Variants in MYCT1 observed in about 807,000 individuals in gnomAD.
MYCT1 encodes MYC target 1.
In MYCT1, 12 loss-of-function variants were observed where a neutral mutation model predicts 15.0. The observed-to-expected ratio is 0.80, with a 90% CI of 0.51 to 1.29. MYCT1 has a LOEUF of 1.29. Ranked by LOEUF, MYCT1 falls within the 50% of genes most tolerant of loss-of-function variation. MYCT1 has a pLI of 0.00. For missense variants in MYCT1, 287 were observed against 279.1 expected, an observed-to-expected ratio of 1.03 and a Z score of -0.20; for synonymous variants, 104 against 102.7, an observed-to-expected ratio of 1.01 and a Z score of -0.07.
the MYCT1 span, among the ~76,000 whole-genome samples, chr6:152,739,119 T>C: frequency 2.6e-5 from 4 of 151,958 alleles, no homozygotes; most frequent in Non-Finnish European, 4.4e-5. Flanking sequence ...AATAAAATTA[T>C]ATTGGGAGTT....
intron 1 of MYCT1, among the ~76,000 whole-genome samples, chr6:152,719,474 A>G (rs1466695517): frequency 6.6e-6 from 1 of 152,214 alleles, no homozygotes; most frequent in Non-Finnish European, 1.5e-5. Flanking sequence ...CTCAGTAGCC[A>G]CAACTATTAA....
downstream of MYCT1, among the ~76,000 whole-genome samples, chr6:152,729,316 GT>G (rs1037689693): frequency 3.9e-4 from 57 of 146,384 alleles, no homozygotes; most frequent in Admixed American, 1.2e-3. Context: ...ATTTCCACAG[GT>G]TTTTTTTTTT....
chr6:152,707,811 A>C (rs2129069131), intron 1 of MYCT1, among the ~76,000 whole-genome samples: 1 of 152,206 alleles, frequency 6.6e-6, no homozygotes, highest in African/African-American at 2.4e-5. Context: ...TCACAAATGC[A>C]TGGATTTATT....
the MYCT1 span, among the ~76,000 whole-genome samples, chr6:152,741,491 T>C: frequency 6.6e-6 from 1 of 152,126 alleles, no homozygotes; most frequent in Non-Finnish European, 1.5e-5. Context: ...ATTGGGGATA[T>C]AATGATACAT....
At chr6:152,733,509 C>G in the MYCT1 span, among the ~76,000 whole-genome samples, 1 of 152,214 alleles carries the variant, frequency 6.6e-6, no homozygotes, top group Non-Finnish European at 1.5e-5. Flanking sequence ...CTGTTTTTAA[C>G]AAGTGCCTTG....
rs2099725027 is a variant in MYCT1, at chr6:152,723,192, ACT to A, written c.*942_*943del. 1 of 151,908 alleles carries A rather than the reference ACT, an allele frequency of 6.6e-6. No homozygotes were observed. The allele number at this position is 151,908 out of a possible 1,614,324, so 9.4% of individuals were successfully genotyped here. A position where few individuals can be genotyped will look rare whatever the true frequency, so the allele number is the denominator to read the frequency against. Reference sequence around the variant, plus strand: ...TTTGACACTAATTTTTTCTGGACAAACTCTTTATGTGTTTTTCCCAAGAATAG... The same window carrying A: ...TTTGACACTAATTTTTTCTGGACAAACTTTATGTGTTTTTCCCAAGAATAG... On this transcript the variant is annotated 3_prime_UTR_variant, in exon 2 of 2. Transcript: ENST00000367245.
intron 1 of MYCT1, among the ~76,000 whole-genome samples, chr6:152,718,150 T>C (rs780935055): frequency 6.6e-6 from 1 of 152,136 alleles, no homozygotes; most frequent in South Asian, 2.1e-4. Context: ...GTCAAATTCC[T>C]CTCATGGAAA....
At chr6:152,719,776 G>A (rs558501298) in intron 1 of MYCT1, among the ~76,000 whole-genome samples, 1 of 152,132 alleles carries the variant, frequency 6.6e-6, no homozygotes, top group East Asian at 1.9e-4. Flanking sequence ...CTGCATTCTA[G>A]GTAGTCTACA....
rs563030470 is a variant in MYCT1, at chr6:152,724,442, A to G, written c.*2189A>G. ...CCTTATCCCAGTTATAAGACAGTCA[A>G]AATGACTATTTCCTAAATATTGTGA... is the stretch of plus-strand genomic sequence containing the variant. On this transcript the variant is annotated 3_prime_UTR_variant, in exon 2 of 2. Transcript: ENST00000367245. 1 of 152,332 alleles carries G rather than the reference A, an allele frequency of 6.6e-6. No homozygotes were observed. The highest frequency in any genetic ancestry group is 2.4e-5 in the African/African-American group (1 of 41,588). The allele number at this position is 152,332 out of a possible 1,614,324, so 9.4% of individuals were successfully genotyped here. A position where few individuals can be genotyped will look rare whatever the true frequency, so the allele number is the denominator to read the frequency against.
At chr6:152,725,652 TG>T (rs1455040536), downstream of MYCT1, among the ~76,000 whole-genome samples, 5 of 151,960 alleles carry the variant, frequency 3.3e-5, no homozygotes, top group Admixed American at 2.0e-4. Flanking sequence ...AAGAAGGGAG[TG>T]CTCCTACATA....
chr6:152,741,542 A>G, the MYCT1 span, among the ~76,000 whole-genome samples: 1 of 152,182 alleles, frequency 6.6e-6, no homozygotes, highest in African/African-American at 2.4e-5. Context: ...TCAATTGATT[A>G]TGTAAGTGTG....
chr6:152,713,088 T>TC (rs923700809), intron 1 of MYCT1, among the ~76,000 whole-genome samples: 11 of 151,956 alleles, frequency 7.2e-5, no homozygotes, highest in African/African-American at 2.7e-4. Context: ...GCTTGCTTTT[T>TC]CCCCCCAATA....
At chr6:152,725,407 A>G (rs548574459), downstream of MYCT1, among the ~76,000 whole-genome samples, 176 of 152,324 alleles carry the variant, frequency 1.2e-3, 2 homozygotes, top group Non-Finnish European at 4.4e-5. Flanking sequence ...GCCCATGTAC[A>G]TTTAAACAAC....
At chr6:152,746,584 T>C in the MYCT1 span, among the ~76,000 whole-genome samples, 2 of 152,204 alleles carry the variant, frequency 1.3e-5, no homozygotes, top group Non-Finnish European at 2.9e-5. Context: ...CTACTCTATG[T>C]GGTGGGGGAA....
chr6:152,746,742 C>T, the MYCT1 span, among the ~76,000 whole-genome samples: 63 of 152,308 alleles, frequency 4.1e-4, no homozygotes, highest in Admixed American at 6.5e-4. Context: ...AGGAAATCGT[C>T]TGATACATAC....
At chr6:152,702,791 T>C (rs761536624) in intron 1 of MYCT1, among the ~76,000 whole-genome samples, 7 of 152,244 alleles carry the variant, frequency 4.6e-5, no homozygotes, top group African/African-American at 1.7e-4. Context: ...TGCATATTAA[T>C]AGTCTATTCA....
the MYCT1 span, among the ~76,000 whole-genome samples, chr6:152,740,066 G>A: frequency 4.4e-3 from 669 of 151,984 alleles, 2 homozygotes; most frequent in Non-Finnish European, 7.0e-3. Context: ...TATTATTTGC[G>A]ATGGAGTTTC....
chr6:152,701,438 G>A (rs2099721291), intron 1 of MYCT1, among the ~76,000 whole-genome samples: 1 of 152,192 alleles, frequency 6.6e-6, no homozygotes, highest in Admixed American at 6.5e-5. Context: ...CAGGTTGGAG[G>A]CAGATTTCTG....
At chr6:152,742,167 G>A in the MYCT1 span, among the ~76,000 whole-genome samples, 37 of 152,286 alleles carry the variant, frequency 2.4e-4, no homozygotes, top group Admixed American at 2.4e-3. Context: ...GATCCAACAT[G>A]CTCAGTGTTA....
Sources: gnomAD v4.1 joint callset for allele counts (sites outside exome capture counted in the v4.1 genomes callset) on GRCh38, gnomAD v4.1.1 for gene constraint, MANE v1.5 for transcripts, NCBI Gene and HGNC (gene_info 2026-07-23, HGNC 2026-07-21) for gene names.